Variants in AGMO observed in about 807,000 individuals in gnomAD.
The protein encoded by AGMO is glyceryl-ether monooxygenase.
A neutral mutation model predicts 60.2 loss-of-function variants in AGMO; 75 were observed. That is an observed-to-expected ratio of 1.25 (90% CI 1.03 to 1.51). The LOEUF (loss-of-function observed/expected upper bound fraction) is 1.51. AGMO is among the 40% of genes most tolerant of loss of function. The pLI is 0.00. For synonymous variants in AGMO, 261 were observed against 177.1 expected (o/e 1.47, Z -3.76); for missense variants, 763 against 525.5 (o/e 1.45, Z -4.42).
intron 12 of AGMO, among the ~76,000 whole-genome samples, chr7:15,318,571 T>A (rs73284581): frequency 2.0e-5 from 3 of 152,052 alleles, no homozygotes; most frequent in African/African-American, 2.4e-5. Context: ...CTTGAGCATA[T>A]AGAAATTAAA....
the AGMO span, among the ~76,000 whole-genome samples, chr7:15,129,772 A>G: frequency 6.6e-6 from 1 of 152,092 alleles, no homozygotes; most frequent in Non-Finnish European, 1.5e-5. Flanking sequence ...CAGGATATTG[A>G]ACAAGAGTTC....
At chr7:15,430,741 A>G (rs4421269) in intron 4 of AGMO, among the ~76,000 whole-genome samples, 47,821 of 151,074 alleles carry the variant, frequency 0.32, 8,053 homozygotes, top group Middle Eastern at 0.44. Flanking sequence ...AAATTAAAAA[A>G]TAGCCATTCA....
At chr7:15,340,395 G>C (rs547465086) in intron 12 of AGMO, among the ~76,000 whole-genome samples, 2 of 152,112 alleles carry the variant, frequency 1.3e-5, no homozygotes, top group East Asian at 1.9e-4. Context: ...AAGACTTCAG[G>C]TCGGCTCTTT....
At chr7:15,162,780 G>A in the AGMO span, among the ~76,000 whole-genome samples, 6 of 152,288 alleles carry the variant, frequency 3.9e-5, no homozygotes, top group East Asian at 9.6e-4. Flanking sequence ...AGAAGAGCCT[G>A]AAGTCAGATA....
At chr7:15,117,767 C>G in the AGMO span, among the ~76,000 whole-genome samples, 3 of 151,954 alleles carry the variant, frequency 2.0e-5, no homozygotes, top group Admixed American at 6.6e-5. Context: ...GAGAAAACTT[C>G]AGATGGGTGT....
At chr7:15,173,716 G>C in the AGMO span, among the ~76,000 whole-genome samples, 1 of 151,766 alleles carries the variant, frequency 6.6e-6, no homozygotes, top group Non-Finnish European at 1.5e-5. Flanking sequence ...TAAAATGGAA[G>C]TTAGGAGTTT....
chr7:15,292,126 A>G (rs1444208443), intron 12 of AGMO, among the ~76,000 whole-genome samples: 2 of 152,134 alleles, frequency 1.3e-5, no homozygotes, highest in African/African-American at 4.8e-5. Flanking sequence ...AAATAATACA[A>G]ATTAGAAGGA....
chr7:15,295,933 T>C (rs1784393182), intron 12 of AGMO, among the ~76,000 whole-genome samples: 1 of 152,172 alleles, frequency 6.6e-6, no homozygotes, highest in African/African-American at 2.4e-5. Context: ...TTTTCCGTGG[T>C]CATTAAAAAT....
At chr7:15,230,968 T>C (rs1563045661) in intron 12 of AGMO, among the ~76,000 whole-genome samples, 1 of 152,226 alleles carries the variant, frequency 6.6e-6, no homozygotes, top group Non-Finnish European at 1.5e-5. Context: ...GCACCATTAA[T>C]GCTTAACTCT....
chr7:15,145,780 A>G, the AGMO span, among the ~76,000 whole-genome samples: 2 of 152,172 alleles, frequency 1.3e-5, no homozygotes, highest in Admixed American at 1.3e-4. Flanking sequence ...AAATTTAATC[A>G]TCATTACACA....
intron 3 of AGMO, among the ~76,000 whole-genome samples, chr7:15,519,851 C>T (rs900445199): frequency 6.6e-6 from 1 of 151,810 alleles, no homozygotes; most frequent in Admixed American, 6.6e-5. Context: ...AATTAAAAGA[C>T]ACAGACTGGC....
At chr7:15,354,956 G>A (rs1184608981) in intron 12 of AGMO, among the ~76,000 whole-genome samples, 1 of 151,968 alleles carries the variant, frequency 6.6e-6, no homozygotes, top group Admixed American at 6.6e-5. Context: ...ACTATGCTAG[G>A]ATGAAGTGGC....
intron 3 of AGMO, among the ~76,000 whole-genome samples, chr7:15,507,904 G>C (rs78562922): frequency 0.021 from 3,259 of 152,172 alleles, 99 homozygotes; most frequent in African/African-American, 0.07. Context: ...ATGTGGATAT[G>C]AAAGGGGTGG....
At chr7:15,484,400 A>G (rs550545123) in intron 3 of AGMO, among the ~76,000 whole-genome samples, 1 of 152,280 alleles carries the variant, frequency 6.6e-6, no homozygotes, top group African/African-American at 2.4e-5. Flanking sequence ...TAGTGGTCAC[A>G]TTGAGGAGTT....
chr7:15,357,040 C>T (rs1010207095), intron 12 of AGMO, among the ~76,000 whole-genome samples: 1 of 150,154 alleles, frequency 6.7e-6, no homozygotes, highest in Non-Finnish European at 1.5e-5. Context: ...AGGAGAATCG[C>T]TTAAACCTGG....
chr7:15,310,848 T>C (rs912111715), intron 12 of AGMO, among the ~76,000 whole-genome samples: 9 of 152,162 alleles, frequency 5.9e-5, no homozygotes, highest in Non-Finnish European at 1.3e-4. Flanking sequence ...AGGGAGAATC[T>C]GTTTCTTTGC....
chr7:15,422,150 A>G (rs1034364399), intron 4 of AGMO, among the ~76,000 whole-genome samples: 14 of 152,168 alleles, frequency 9.2e-5, no homozygotes, highest in African/African-American at 3.4e-4. Flanking sequence ...AAGTTTAAGA[A>G]TCAGCCAGAG....
intron 12 of AGMO, among the ~76,000 whole-genome samples, chr7:15,356,330 G>C (rs1379951813): frequency 1.3e-5 from 2 of 152,098 alleles, no homozygotes; most frequent in East Asian, 3.9e-4. Flanking sequence ...ATAGTCAACA[G>C]TGAACCAATT....
the AGMO span, among the ~76,000 whole-genome samples, chr7:15,168,877 A>G: frequency 6.6e-6 from 1 of 152,188 alleles, no homozygotes; most frequent in Non-Finnish European, 1.5e-5. Flanking sequence ...TCCTAGTGCC[A>G]CTCTCATTGG....
Sources: gnomAD v4.1 joint callset for allele counts (sites outside exome capture counted in the v4.1 genomes callset) on GRCh38, gnomAD v4.1.1 for gene constraint, MANE v1.5 for transcripts, NCBI Gene and HGNC (gene_info 2026-07-23, HGNC 2026-07-21) for gene names.